Variants in TRIM2 observed in about 807,000 individuals in gnomAD.
TRIM2 encodes the protein tripartite motif-containing protein 2.
Under a neutral mutation model 75.2 loss-of-function variants are expected in TRIM2, and 20 were observed. That is an observed-to-expected ratio of 0.27 (90% CI 0.19 to 0.39). TRIM2 has a LOEUF of 0.39. TRIM2 is among the 10% of genes least tolerant of loss of function. The pLI is 1.00. For missense variants in TRIM2, 660 were observed against 990.8 expected (o/e 0.67, Z 4.48); for synonymous variants, 373 against 388.3 (o/e 0.96, Z 0.46).
At chr4:153,237,859 C>CA (rs1745447090) in intron 1 of TRIM2, among the ~76,000 whole-genome samples, 2 of 151,170 alleles carry the variant, frequency 1.3e-5, no homozygotes, top group Non-Finnish European at 3.0e-5. Context: ...ATCTTTTTTT[C>CA]AAAAAAACAG....
Position 153,248,028 on chromosome 4 carries a change from C to T in TRIM2, c.31-22307C>T, listed in dbSNP as rs1449980683. Among the ~76,000 whole-genome samples the T allele has an allele frequency of 6.9e-6, 1 of 145,680 alleles. No individual in the cohort carries two copies. Among genetic ancestry groups the T allele is most frequent in the African/African-American group, 2.6e-5 (1 of 38,540 alleles). ...TTTTTTTTTTTGAGATGGAGTCTCG[C>T]TCTGTCCCCCAGGCTGGAGTGCGGT... On this transcript the variant is annotated intron_variant, in intron 1 of 11. Transcript: ENST00000338700. This position sits in a 1 kb window ranked among gnomAD's most constrained non-coding sequence, Gnocchi z 4.0.
intron 3 of TRIM2, among the ~76,000 whole-genome samples, chr4:153,284,262 G>A (rs1377135225): frequency 2.7e-5 from 4 of 149,882 alleles, no homozygotes; most frequent in Admixed American, 6.7e-5. Context: ...GTGCAGTGAC[G>A]TGATCTTGGT....
At chr4:153,211,845 G>C (rs551812861) in intron 1 of TRIM2, among the ~76,000 whole-genome samples, 1 of 151,892 alleles carries the variant, frequency 6.6e-6, no homozygotes, top group East Asian at 1.9e-4. Context: ...ATCCTCTCTT[G>C]TGCTTGTAAC....
chr4:153,242,923 G>C (rs541750875), intron 1 of TRIM2, among the ~76,000 whole-genome samples: 1 of 152,244 alleles, frequency 6.6e-6, no homozygotes, highest in Non-Finnish European at 1.5e-5. Flanking sequence ...TGAGCACCAG[G>C]TGTCCTGAAG....
chr4:153,310,445 A>G (rs1347874552), intron 6 of TRIM2, among the ~76,000 whole-genome samples: 1 of 152,252 alleles, frequency 6.6e-6, no homozygotes, highest in East Asian at 1.9e-4. Context: ...GAATTGCCTT[A>G]AGACACTTTA....
At chr4:153,244,437 T>TCTTCTTCTTCTTCCTCTTCTTCTTCTTC (rs1206105496) in intron 1 of TRIM2, among the ~76,000 whole-genome samples, 2 of 102,522 alleles carry the variant, frequency 2.0e-5, no homozygotes, top group African/African-American at 5.4e-5. Flanking sequence ...TTCTTCTTCT[T>TCTTCTTCTTCTTCCTCTTCTTCTTCTTC]TTAATTAGAG....
intron 10 of TRIM2, among the ~76,000 whole-genome samples, chr4:153,325,395 C>T (rs533349258): frequency 2.6e-5 from 4 of 152,204 alleles, no homozygotes; most frequent in Non-Finnish European, 1.5e-5. Flanking sequence ...CACTCAAATG[C>T]AGATAATCTG....
chr4:153,241,909 C>T (rs547251746), intron 1 of TRIM2, among the ~76,000 whole-genome samples: 5 of 152,266 alleles, frequency 3.3e-5, no homozygotes, highest in African/African-American at 4.8e-5. Context: ...GAAATGAAAC[C>T]TGTTTTTATA....
intron 1 of TRIM2, among the ~76,000 whole-genome samples, chr4:153,268,672 G>A (rs996788383): frequency 1.3e-5 from 2 of 152,212 alleles, no homozygotes; most frequent in Non-Finnish European, 2.9e-5. Flanking sequence ...TGCCTTCGGT[G>A]TAGAAGCCAG....
chr4:153,197,047 G>A (rs570187505), intron 1 of TRIM2, among the ~76,000 whole-genome samples: 4 of 152,334 alleles, frequency 2.6e-5, no homozygotes, highest in African/African-American at 7.2e-5. Flanking sequence ...GGCATGTTTG[G>A]AAAGACAGAA....
At chr4:153,280,247 G>C (rs1218935853) in intron 3 of TRIM2, among the ~76,000 whole-genome samples, 1 of 151,942 alleles carries the variant, frequency 6.6e-6, no homozygotes, top group African/African-American at 2.4e-5. Flanking sequence ...AAGCTAGAAA[G>C]GTCTCCCATT....
intron 6 of TRIM2, among the ~76,000 whole-genome samples, chr4:153,301,329 A>G (rs1640435050): frequency 1.3e-5 from 2 of 152,180 alleles, no homozygotes; most frequent in Non-Finnish European, 2.9e-5. Context: ...ACACCCAGCC[A>G]ACCTTTGCCT....
At chr4:153,232,920 A>C (rs1744043122) in intron 1 of TRIM2, among the ~76,000 whole-genome samples, 1 of 152,128 alleles carries the variant, frequency 6.6e-6, no homozygotes, top group Non-Finnish European at 1.5e-5. Context: ...TCAGAGCTGC[A>C]GGTGCTGAAT....
intron 1 of TRIM2, among the ~76,000 whole-genome samples, chr4:153,249,313 GT>G (rs1750189063): frequency 6.6e-6 from 1 of 152,226 alleles, no homozygotes; most frequent in Admixed American, 6.5e-5. Flanking sequence ...GGCGGGGCCT[GT>G]TGCTATGGAG....
intron 6 of TRIM2, chr4:153,309,762 T>G (rs942450414): frequency 4.6e-5 from 7 of 152,132 alleles, no homozygotes; most frequent in Non-Finnish European, 1.0e-4. Flanking sequence ...TAGCTGGGAT[T>G]ACAGGCATGC....
chr4:153,167,234 G>A lies in TRIM2; in HGVS notation c.-49+13964G>A, dbSNP rs1047755587. ...CTTCACGGTCTATTAGTTTTGTACT[G>A]TAAGAATGCTTTCTTTTATAACACA... On this transcript the variant is annotated intron_variant, in intron 1 of 11. Coordinates refer to the TRIM2 transcript ENST00000437508. Among the ~76,000 whole-genome samples, 5 of 152,216 alleles carry A rather than the reference G, an allele frequency of 3.3e-5. No individual in the cohort carries two copies. In the East Asian group the frequency reaches 9.6e-4, roughly 29 times the overall value.
intron 1 of TRIM2, among the ~76,000 whole-genome samples, chr4:153,205,877 A>G (rs924311570): frequency 4.6e-5 from 7 of 152,234 alleles, no homozygotes; most frequent in Admixed American, 3.9e-4. Context: ...GTATGAAAAC[A>G]GGCAGTCTCT....
chr4:153,308,144 TC>T, intron 6 of TRIM2: 1 of 1,167,524 alleles, frequency 8.6e-7, no homozygotes, highest in South Asian at 1.2e-5. Flanking sequence ...GAACTTCAGT[TC>T]CTTTCCTCTT....
chr4:153,294,299 C>T lies in TRIM2; in HGVS notation c.606-6C>T, dbSNP rs200680295. ...TAAATAACGACCTTTAACAACTGTC[C>T]ACCAGGCTCCCAGAAATAGATTCTG... On this transcript the variant is annotated splice_region_variant and splice_polypyrimidine_tract_variant and intron_variant, in intron 4 of 11. Transcript: ENST00000338700. 2 of 1,613,376 alleles carry T rather than the reference C, an allele frequency of 1.2e-6. No homozygotes were observed. Among genetic ancestry groups the T allele is most frequent in the Non-Finnish European group, 1.7e-6 (2 of 1,179,620 alleles).
Sources: allele counts gnomAD v4.1 joint callset (sites outside exome capture counted in the v4.1 genomes callset), GRCh38; gene constraint gnomAD v4.1.1; non-coding constraint Gnocchi (gnomAD v3.1); transcripts MANE v1.5; gene names NCBI Gene and HGNC (gene_info 2026-07-23, HGNC 2026-07-21).